The following PDGFRL variants were observed in gnomAD, a reference collection of about 807,000 sequenced individuals.
PDGFRL encodes platelet-derived growth factor receptor-like protein.
In PDGFRL, 46 loss-of-function variants were observed where a neutral mutation model predicts 37.2. The observed-to-expected ratio is 1.24, with a 90% CI of 0.98 to 1.58. The LOEUF (loss-of-function observed/expected upper bound fraction) is 1.58. PDGFRL is among the 40% of genes most tolerant of loss of function. The probability of loss-of-function intolerance (pLI) is 0.00; values close to 1 mark genes in which losing one functional copy is unlikely to be tolerated. For missense variants in PDGFRL, 692 were observed against 467.6 expected (o/e 1.48, Z -4.43); for synonymous variants, 251 against 184.3 (o/e 1.36, Z -2.93).
intron 3 of PDGFRL, among the ~76,000 whole-genome samples, chr8:17,623,504 A>T (rs527353475): frequency 1.0e-3 from 156 of 152,364 alleles, no homozygotes; most frequent in African/African-American, 3.6e-3. Flanking sequence ...TGCCAAGATT[A>T]GCACTGTTGT....
intron 1 of PDGFRL, among the ~76,000 whole-genome samples, chr8:17,581,900 G>T (rs34645232): frequency 1.3e-5 from 2 of 152,002 alleles, no homozygotes; most frequent in Admixed American, 6.5e-5. Context: ...CCAAGGAGTG[G>T]GATATTGCTA....
At chr8:17,607,480 T>C (rs1388208036) in intron 2 of PDGFRL, among the ~76,000 whole-genome samples, 1 of 152,236 alleles carries the variant, frequency 6.6e-6, no homozygotes, top group African/African-American at 2.4e-5. Flanking sequence ...CTAGGATTGA[T>C]TATCCCAGAT....
intron 1 of PDGFRL, among the ~76,000 whole-genome samples, chr8:17,582,509 G>C (rs1408260176): frequency 4.6e-5 from 7 of 151,226 alleles, no homozygotes; most frequent in Non-Finnish European, 1.0e-4. Flanking sequence ...TTGAACTCGG[G>C]AAGAGGAGAT....
rs192585270 is a variant in PDGFRL, at chr8:17,637,729, A to G, written c.939+3516A>G. 3.0e-3 allele frequency among the ~76,000 whole-genome samples: 463 copies of G among 152,198 alleles called. 3 individuals are homozygous for G. The highest frequency in any genetic ancestry group is 0.02 in the Middle Eastern group (6 of 294). Reference sequence around the variant, plus strand: ...ATTTTTGTTGGCAGTTTTTTAAATTACCATTTCAATCTCACTGCTTGTTAT... The same window carrying G: ...ATTTTTGTTGGCAGTTTTTTAAATTGCCATTTCAATCTCACTGCTTGTTAT... On this transcript the variant is annotated intron_variant, in intron 5 of 5. Transcript: ENST00000251630.
chr8:17,626,707 A>T (rs946607704), intron 3 of PDGFRL, among the ~76,000 whole-genome samples: 1 of 152,204 alleles, frequency 6.6e-6, no homozygotes, highest in Non-Finnish European at 1.5e-5. Flanking sequence ...AGAATGATCC[A>T]GAAAAACAAA....
At chr8:17,582,416 T>C (rs927707058) in intron 1 of PDGFRL, among the ~76,000 whole-genome samples, 12 of 152,106 alleles carry the variant, frequency 7.9e-5, no homozygotes, top group African/African-American at 2.7e-4. Flanking sequence ...ACCCTGTCTC[T>C]ATTACAATAC....
intron 2 of PDGFRL, among the ~76,000 whole-genome samples, chr8:17,600,098 C>T (rs1417180412): frequency 2.0e-5 from 3 of 152,146 alleles, no homozygotes; most frequent in African/African-American, 7.2e-5. Context: ...AGTCTCTGTC[C>T]TCATTGTATT....
chr8:17,587,649 C>T (rs546788316), intron 1 of PDGFRL, among the ~76,000 whole-genome samples: 6 of 151,934 alleles, frequency 3.9e-5, no homozygotes, highest in African/African-American at 7.3e-5. Context: ...GCTCAAGTCT[C>T]GGTCTCAGTC....
chr8:17,613,842 G>C (rs956791480), intron 2 of PDGFRL, among the ~76,000 whole-genome samples: 1 of 152,148 alleles, frequency 6.6e-6, no homozygotes, highest in South Asian at 2.1e-4. Flanking sequence ...CTGGGTAACA[G>C]AGTGAGACCC....
chr8:17,639,774 A>G lies in PDGFRL; in HGVS notation c.940-2839A>G, dbSNP rs565879075. Among the ~76,000 whole-genome samples, 40 of 152,268 alleles carry G rather than the reference A, an allele frequency of 2.6e-4. 1 individual carries two copies. The South Asian group carries it at 3.1e-3, about 12-fold the overall frequency. On this transcript the variant is annotated intron_variant, in intron 5 of 5. Coordinates refer to ENST00000251630, the MANE Select transcript of PDGFRL (RefSeq NM_001372073.1). Reference sequence around the variant, plus strand: ...GTGCCTAGGTGACGATCTTTTTGCAATGAATTTCTCAGGTGTTCTTTGAGC... The same window carrying G: ...GTGCCTAGGTGACGATCTTTTTGCAGTGAATTTCTCAGGTGTTCTTTGAGC...
chr8:17,639,163 GGTGA>G (rs1805041578), intron 5 of PDGFRL, among the ~76,000 whole-genome samples: 1 of 152,080 alleles, frequency 6.6e-6, no homozygotes, highest in African/African-American at 2.4e-5. Flanking sequence ...CTATTTGTTA[GGTGA>G]GTCTCTTCAA....
intron 1 of PDGFRL, among the ~76,000 whole-genome samples, chr8:17,578,036 CTGGTGTTATTTTTCTGTGTGT>C (rs1803625831): frequency 2.5e-5 from 1 of 40,748 alleles, no homozygotes; most frequent in African/African-American, 4.2e-5. Flanking sequence ...ACCACAGGGT[CTGGTGTTATTTTTCTGTGTGT>C]CTGGGTGTGT....
At chr8:17,577,786 G>T (rs544581930) in intron 1 of PDGFRL, among the ~76,000 whole-genome samples, 6 of 151,458 alleles carry the variant, frequency 4.0e-5, no homozygotes, top group Non-Finnish European at 8.8e-5. Context: ...GCAGTTCTGG[G>T]CGTGTTTTCG....
In PDGFRL at chr8:17,621,113, G is replaced by A. The variant is rs373464688; in HGVS notation, c.416G>A (p.Gly139Asp). Reference sequence around the variant, plus strand: ...GTCAACTCCACCTCGGCAGACACAGGTGAATTCAGCTGCTGGGTGCAGCTC... The same window carrying A: ...GTCAACTCCACCTCGGCAGACACAGATGAATTCAGCTGCTGGGTGCAGCTC... ...TLVNSTSADT[G>D]EFSCWVQLCS... The change falls in exon 3 of 6, where the codon GGT (glycine) becomes GAT (aspartate). Residue 139 changes from glycine to aspartate, a missense_variant. By Grantham distance (94) the Gly-to-Asp change is moderately conservative. Coordinates refer to ENST00000251630, the MANE Select transcript of PDGFRL (RefSeq NM_001372073.1). 39 of 1,612,362 alleles carry A rather than the reference G, an allele frequency of 2.4e-5. No homozygotes were observed. Among genetic ancestry groups the A allele is most frequent in the Non-Finnish European group, 3.1e-5 (37 of 1,178,900 alleles).
rs568218970 is a variant in PDGFRL at position 17,593,204 on chromosome 8, C to T, written c.353+3439C>T. On this transcript the variant is annotated intron_variant, in intron 2 of 5. Coordinates refer to ENST00000251630, the MANE Select transcript of PDGFRL (RefSeq NM_001372073.1). ...CACACTTGAAGTGCGTAAGGGGGAA[C>T]GTATGGATATTCTGCTTGGAAGAAA... 1.9e-4 allele frequency among the ~76,000 whole-genome samples: 29 copies of T among 151,928 alleles called. 1 individual carries two copies. The South Asian group carries it at 5.4e-3, about 28-fold the overall frequency.
rs1306265708 is a variant in PDGFRL at position 17,586,018 on chromosome 8, C to A, written c.56-3450C>A. Among the ~76,000 whole-genome samples the A allele has an allele frequency of 2.6e-5, 4 of 152,018 alleles. No homozygotes were observed. In the East Asian group the frequency reaches 7.7e-4, roughly 29 times the overall value. On this transcript the variant is annotated intron_variant, in intron 1 of 5. Coordinates refer to ENST00000251630, the MANE Select transcript of PDGFRL (RefSeq NM_001372073.1). ...CCAGGCTGGAGTGCAGTGGTGCGAT[C>A]TCAGCTCACTGCAACCTCCGTGTCC...
At position 17,642,595 on chromosome 8, in the gene PDGFRL, G is replaced by C. The variant is rs1288802203; in HGVS notation, c.940-18G>C. The C allele has an allele frequency of 6.4e-7, 1 of 1,551,488 alleles. No homozygotes were observed. The highest frequency in any genetic ancestry group is 1.1e-5 in the South Asian group (1 of 89,570). Reference sequence around the variant, plus strand: ...GCTTGTCCCTCTTGCTTCAGTCTTTGTGGGTGTCGTTAAACAGGATGAAAG... The same window carrying C: ...GCTTGTCCCTCTTGCTTCAGTCTTTCTGGGTGTCGTTAAACAGGATGAAAG... On this transcript the variant is annotated intron_variant, in intron 5 of 5. Transcript: ENST00000251630.
chr8:17,623,679 A>C (rs1288175740), intron 3 of PDGFRL, among the ~76,000 whole-genome samples: 2 of 152,136 alleles, frequency 1.3e-5, no homozygotes, highest in Non-Finnish European at 2.9e-5. Context: ...GTTCGAGAAC[A>C]GCCTGGCCAA....
intron 5 of PDGFRL, among the ~76,000 whole-genome samples, chr8:17,636,443 G>C (rs1804970830): frequency 6.6e-6 from 1 of 151,966 alleles, no homozygotes; most frequent in Non-Finnish European, 1.5e-5. Flanking sequence ...TTTATTTCTG[G>C]GTTCTCTATT....
Sources: gnomAD v4.1 joint callset for allele counts (sites outside exome capture counted in the v4.1 genomes callset) on GRCh38, gnomAD v4.1.1 for gene constraint, MANE v1.5 for transcripts, NCBI Gene and HGNC (gene_info 2026-07-23, HGNC 2026-07-21) for gene names.